The following COL15A1 variants were observed in gnomAD, a reference collection of about 807,000 sequenced individuals.
COL15A1 encodes the protein collagen type XV alpha 1 chain, also known as collagen alpha-1(XV) chain.
Under a neutral mutation model 165.9 loss-of-function variants are expected in COL15A1, and 111 were observed. The observed-to-expected ratio is 0.67, with a 90% confidence interval of 0.57 to 0.78. COL15A1 has a LOEUF of 0.78. Among genes scored for constraint, COL15A1 ranks in the 30% least tolerant of loss-of-function variants. COL15A1 has a pLI of 0.00. For missense variants in COL15A1, 1,745 were observed against 1,789.7 expected (o/e 0.98, Z 0.45); for synonymous variants, 659 against 674.8 (o/e 0.98, Z 0.36).
chr9:98,985,071 C>G (rs1381301928), intron 2 of COL15A1, among the ~76,000 whole-genome samples: 2 of 152,044 alleles, frequency 1.3e-5, no homozygotes, highest in African/African-American at 4.8e-5. Flanking sequence ...GGATTTTAGG[C>G]GTGAGCCACC....
rs970234997 is a variant in COL15A1 at position 99,054,671 on chromosome 9, G to A, written c.3031+15G>A. ...GGGACCACCAGGTATTCCAGCTCTT[G>A]TTCTCAATCTTGCCTTTGATTTTTT... On this transcript the variant is annotated intron_variant, in intron 32 of 41. Transcript: ENST00000375001. 3 of 1,597,848 alleles carry A rather than the reference G, an allele frequency of 1.9e-6. No individual in the cohort carries two copies. The highest frequency in any genetic ancestry group is 8.5e-7 in the Non-Finnish European group (1 of 1,175,346).
intron 2 of COL15A1, among the ~76,000 whole-genome samples, chr9:98,961,476 G>A (rs1247972173): frequency 1.3e-5 from 2 of 152,190 alleles, no homozygotes; most frequent in Non-Finnish European, 2.9e-5. Flanking sequence ...GAAAGGAGGT[G>A]GGGATGATGG....
At chr9:99,059,367 G>T (rs1418539185) in intron 35 of COL15A1, among the ~76,000 whole-genome samples, 1 of 151,502 alleles carries the variant, frequency 6.6e-6, no homozygotes, top group Admixed American at 6.6e-5. Context: ...GTTTCCTCGA[G>T]ATCACACAGC....
intron 2 of COL15A1, among the ~76,000 whole-genome samples, chr9:98,971,056 G>C (rs1838041964): frequency 6.6e-6 from 1 of 152,128 alleles, no homozygotes; most frequent in South Asian, 2.1e-4. Flanking sequence ...GGGGCCAAGG[G>C]GCAGGACTTC....
chr9:99,049,790 G>T (rs13296166), intron 29 of COL15A1, 32 bp downstream of exon 29: 8 of 1,614,068 alleles, frequency 5.0e-6, no homozygotes, highest in Non-Finnish European at 6.8e-6. Context: ...AGACCTTCCC[G>T]ATTGGCCTAA....
intron 2 of COL15A1, among the ~76,000 whole-genome samples, chr9:98,949,164 T>C (rs550494320): frequency 1.3e-5 from 2 of 152,360 alleles, no homozygotes; most frequent in South Asian, 4.1e-4. Flanking sequence ...CTTTCATGTC[T>C]GATTCTTTCA....
chr9:99,035,034 CT>C lies in COL15A1; in HGVS notation c.2102del (p.Leu701TyrfsTer51). 6.2e-7 allele frequency: 1 copy of C among 1,613,124 alleles called. No individual in the cohort carries two copies. Among genetic ancestry groups the C allele is most frequent in the Non-Finnish European group, 8.5e-7 (1 of 1,179,234 alleles). On this transcript the variant is annotated frameshift_variant, in exon 18 of 42. Transcript: ENST00000375001. LOFTEE classifies it high-confidence loss of function. ...GEKGDPGNRG[L>X]PGPPGKKGQA... ...TACAGGGTGACCCTGGCAACAGAGG[CT>C]TACCTGGACCCCCGGGGAAAAAGGG...
At chr9:99,067,620 G>A (rs370166628) in intron 40 of COL15A1, among the ~76,000 whole-genome samples, 3 of 152,264 alleles carry the variant, frequency 2.0e-5, no homozygotes, top group South Asian at 2.1e-4. Context: ...CACATACACC[G>A]TGGAGAAGCT....
intron 35 of COL15A1, among the ~76,000 whole-genome samples, chr9:99,058,823 T>C (rs1476517817): frequency 2.6e-5 from 4 of 152,156 alleles, no homozygotes; most frequent in Non-Finnish European, 5.9e-5. Context: ...CTCTATCCAC[T>C]AGACATTTGC....
At chr9:99,047,712 C>T (rs1342963517) in intron 26 of COL15A1, 74 bp from the exon 27 acceptor site, 18 of 1,484,972 alleles carry the variant, frequency 1.2e-5, no homozygotes, top group South Asian at 5.7e-5. Flanking sequence ...CCTGCAAAAG[C>T]GGGCTTGCAC....
chr9:98,991,220 G>C (rs758168235), intron 5 of COL15A1, among the ~76,000 whole-genome samples: 11 of 151,472 alleles, frequency 7.3e-5, no homozygotes, highest in African/African-American at 2.4e-4. Flanking sequence ...CCAAGTTGCC[G>C]CTGCTCACTC....
intron 2 of COL15A1, among the ~76,000 whole-genome samples, chr9:98,980,160 C>CA (rs11343445): frequency 6.8e-4 from 98 of 143,774 alleles, no homozygotes; most frequent in Middle Eastern, 3.7e-3. Context: ...ACTCTTGTCT[C>CA]AAAAAAAAAA....
At chr9:99,020,657 G>A (rs1008934906) in intron 12 of COL15A1, among the ~76,000 whole-genome samples, 5 of 152,216 alleles carry the variant, frequency 3.3e-5, no homozygotes, top group African/African-American at 1.2e-4. Flanking sequence ...GGTGACCGTG[G>A]CCAAGTCCCT....
At chr9:99,049,973 G>C (rs980816137) in intron 30 of COL15A1, 78 bp downstream of exon 30, 17 of 1,592,470 alleles carry the variant, frequency 1.1e-5, no homozygotes, top group Middle Eastern at 1.7e-4. Flanking sequence ...TCTTTGTCTT[G>C]GGCCCTTTCT....
rs183767477 is a variant in COL15A1 at position 99,064,735 on chromosome 9, T to C, written c.3651+1626T>C. On this transcript the variant is annotated intron_variant, in intron 39 of 41. Coordinates refer to ENST00000375001, the MANE Select transcript of COL15A1 (RefSeq NM_001855.5). Reference sequence around the variant, plus strand: ...CATAAGAAGAACCAAAAGGTGTCCTTCAAATTTAGAAACTAGAGCAAAGCA... The same window carrying C: ...CATAAGAAGAACCAAAAGGTGTCCTCCAAATTTAGAAACTAGAGCAAAGCA... Among the ~76,000 whole-genome samples the C allele has an allele frequency of 5.3e-5, 8 of 152,274 alleles. No individual in the cohort carries two copies. In the East Asian group the frequency reaches 1.5e-3, roughly 29 times the overall value.
At chr9:99,028,781 A>G (rs1357345662) in intron 16 of COL15A1, among the ~76,000 whole-genome samples, 1 of 152,208 alleles carries the variant, frequency 6.6e-6, no homozygotes, top group Admixed American at 6.5e-5. Context: ...CTCAGAAATC[A>G]CCACTGAAGA....
At chr9:98,948,128 G>A (rs983512337) in intron 2 of COL15A1, among the ~76,000 whole-genome samples, 2 of 152,160 alleles carry the variant, frequency 1.3e-5, no homozygotes, top group Non-Finnish European at 2.9e-5. Flanking sequence ...TGGCCCTCAT[G>A]CTGGCTGGGT....
chr9:99,056,530 CTTT>C, intron 35 of COL15A1, 126 bp downstream of exon 35: 1 of 1,186,118 alleles, frequency 8.4e-7, no homozygotes, highest in Non-Finnish European at 1.1e-6. Flanking sequence ...CGCCTTCTTT[CTTT>C]TTTTTTTAAT....
intron 2 of COL15A1, among the ~76,000 whole-genome samples, chr9:98,944,667 C>T (rs1739152464): frequency 6.6e-6 from 1 of 152,266 alleles, no homozygotes; most frequent in Non-Finnish European, 1.5e-5. Context: ...AGCATGAACA[C>T]CGGGAGGGAC....
Sources: gnomAD v4.1 joint callset for allele counts (sites outside exome capture counted in the v4.1 genomes callset) on GRCh38, gnomAD v4.1.1 for gene constraint, MANE v1.5 for transcripts, NCBI Gene and HGNC (gene_info 2026-07-23, HGNC 2026-07-21) for gene names.